Variants in ERC1 observed in about 807,000 individuals in gnomAD.
ERC1 encodes RAB6 interacting protein 2.
In ERC1, 56 loss-of-function variants were observed where a neutral mutation model predicts 132.0. That is an observed-to-expected ratio of 0.42 (90% CI 0.34 to 0.53). The LOEUF (loss-of-function observed/expected upper bound fraction) is 0.53, where lower values mean the gene tolerates loss of function less well. Ranked by LOEUF, ERC1 falls within the 20% of genes least tolerant of loss-of-function variation. The pLI, the probability that ERC1 is intolerant of heterozygous loss-of-function variation, is 0.03. For synonymous variants in ERC1, 478 were observed against 476.1 expected (o/e 1.00, Z -0.05); for missense variants, 1,202 against 1,349.9 (o/e 0.89, Z 1.72).
chr12:1,373,508 A>G lies in ERC1; in HGVS notation c.2925+1531A>G, dbSNP rs113131796. 6.8e-3 allele frequency among the ~76,000 whole-genome samples: 1,034 copies of G among 152,328 alleles called. 20 individuals carry two copies. Among genetic ancestry groups the G allele is most frequent in the African/African-American group, 0.024 (993 of 41,582 alleles). ...TGAAAATTAAGGAAATTGGCCGGGCACGGTGGCTCACGCCTGTAATCCCAG... is the reference window on the plus strand; with the variant it reads ...TGAAAATTAAGGAAATTGGCCGGGCGCGGTGGCTCACGCCTGTAATCCCAG... On this transcript the variant is annotated intron_variant, in intron 16 of 18. Coordinates refer to ENST00000360905, the MANE Select transcript of ERC1 (RefSeq NM_178040.4).
chr12:1,049,155 C>T (rs968650656), intron 2 of ERC1, among the ~76,000 whole-genome samples: 10 of 152,044 alleles, frequency 6.6e-5, no homozygotes, highest in African/African-American at 2.4e-4. Flanking sequence ...CAAGAAACAC[C>T]CCAAGATAAA....
intron 7 of ERC1, among the ~76,000 whole-genome samples, chr12:1,135,012 G>A (rs893370969): frequency 3.3e-5 from 5 of 152,180 alleles, no homozygotes; most frequent in Non-Finnish European, 2.9e-5. Context: ...ACAGGCCTAA[G>A]CCACTGTGCC....
At chr12:1,277,133 A>G (rs1449999309) in intron 14 of ERC1, among the ~76,000 whole-genome samples, 1 of 152,234 alleles carries the variant, frequency 6.6e-6, no homozygotes, top group Non-Finnish European at 1.5e-5. Context: ...GAGGGCTTAT[A>G]TGTCTCAAAA....
rs186237613 is a variant in ERC1 at position 1,159,286 on chromosome 12, G to A, written c.1737+17499G>A. Among the ~76,000 whole-genome samples the A allele has an allele frequency of 2.5e-3, 386 of 152,224 alleles. 1 individual carries two copies. Among genetic ancestry groups the A allele is most frequent in the African/African-American group, 8.1e-3 (335 of 41,532 alleles). On this transcript the variant is annotated intron_variant, in intron 8 of 18. Coordinates refer to ENST00000360905, the MANE Select transcript of ERC1 (RefSeq NM_178040.4). ...CAGTTTTGGGATGAAACTGTCCCAC[G>A]TCAGATCATCAGGCATTAGGATCTC... is the stretch of plus-strand genomic sequence containing the variant.
intron 16 of ERC1, among the ~76,000 whole-genome samples, chr12:1,384,838 G>C (rs1195745260): frequency 1.3e-5 from 2 of 152,118 alleles, no homozygotes; most frequent in Non-Finnish European, 2.9e-5. Context: ...ATTTAGAATT[G>C]GATATGATGT....
chr12:1,297,890 TAGG>T (rs1411858210), intron 15 of ERC1, among the ~76,000 whole-genome samples: 1 of 151,970 alleles, frequency 6.6e-6, no homozygotes, highest in Non-Finnish European at 1.5e-5. Flanking sequence ...CCCAAAATAT[TAGG>T]AGGTAGAATT....
intron 16 of ERC1, among the ~76,000 whole-genome samples, chr12:1,394,296 A>T (rs2090334251): frequency 6.6e-6 from 1 of 151,822 alleles, no homozygotes; most frequent in East Asian, 2.0e-4. Flanking sequence ...GCTACTGGGG[A>T]GGCTGAGGCA....
intron 13 of ERC1, among the ~76,000 whole-genome samples, chr12:1,262,677 C>A (rs1316861732): frequency 1.3e-5 from 2 of 151,878 alleles, no homozygotes; most frequent in Non-Finnish European, 2.9e-5. Context: ...ACTATCTCAT[C>A]AAAGCTGGCT....
intron 15 of ERC1, among the ~76,000 whole-genome samples, chr12:1,316,146 C>T (rs931102084): frequency 2.0e-5 from 3 of 152,214 alleles, no homozygotes; most frequent in African/African-American, 7.2e-5. Context: ...CTCGGCCTCC[C>T]AAAGTGCTGG....
chr12:1,150,135 G>C (rs775183347), intron 8 of ERC1, among the ~76,000 whole-genome samples: 8 of 152,214 alleles, frequency 5.3e-5, no homozygotes, highest in Non-Finnish European at 8.8e-5. Flanking sequence ...TTTAAACAGA[G>C]TCTTTGAAGC....
At chr12:1,111,949 C>T (rs899861786) in intron 5 of ERC1, among the ~76,000 whole-genome samples, 2 of 152,008 alleles carry the variant, frequency 1.3e-5, no homozygotes, top group Admixed American at 6.6e-5. Flanking sequence ...GATTTTTCAC[C>T]CTGATTTGAG....
intron 12 of ERC1, among the ~76,000 whole-genome samples, chr12:1,198,731 C>A (rs1430995813): frequency 6.6e-6 from 1 of 152,134 alleles, no homozygotes; most frequent in East Asian, 1.9e-4. Flanking sequence ...ACAGTCATAG[C>A]AGAAGGTGAA....
At chr12:1,343,897 A>G (rs550070728) in intron 15 of ERC1, among the ~76,000 whole-genome samples, 15 of 152,032 alleles carry the variant, frequency 9.9e-5, no homozygotes, top group Admixed American at 4.6e-4. Flanking sequence ...GCTGGAGTGC[A>G]GTGGCGCGAT....
intron 2 of ERC1, among the ~76,000 whole-genome samples, chr12:1,054,938 A>G (rs1451434022): frequency 1.3e-5 from 2 of 152,196 alleles, no homozygotes; most frequent in African/African-American, 2.4e-5. Flanking sequence ...TCTGGCCCAC[A>G]TTAGCTTCAA....
At chr12:1,057,525 T>C (rs943596372) in intron 2 of ERC1, among the ~76,000 whole-genome samples, 4 of 150,938 alleles carry the variant, frequency 2.7e-5, no homozygotes, top group African/African-American at 9.8e-5. Flanking sequence ...ACTTTTATTG[T>C]ACTTTTTTTT....
At position 1,353,964 on chromosome 12, in the gene ERC1, G is replaced by A. The variant is rs1211475260; in HGVS notation, c.2781-17869G>A. Among the ~76,000 whole-genome samples, 6 of 151,194 alleles carry A rather than the reference G, an allele frequency of 4.0e-5. No individual in the cohort carries two copies. In the East Asian group the frequency reaches 1.2e-3, roughly 29 times the overall value. ...CTTTCTTTATCTTTGGCTTCCAGGGGACCACCTTCTTTTTGTTTTCTTTTT... is the reference window on the plus strand; with the variant it reads ...CTTTCTTTATCTTTGGCTTCCAGGGAACCACCTTCTTTTTGTTTTCTTTTT... On this transcript the variant is annotated intron_variant, in intron 15 of 18. Coordinates refer to ENST00000360905, the MANE Select transcript of ERC1 (RefSeq NM_178040.4).
rs1422214526 is a variant in ERC1 at position 1,202,384 on chromosome 12, G to A, written c.2351+12332G>A. On this transcript the variant is annotated intron_variant, in intron 12 of 18. Transcript: ENST00000360905. ...CCCAAGAGTTACAGTTTAGCCGGACGTGGTGGCTCATGCTTGTAATCCTAG... is the reference window on the plus strand; with the variant it reads ...CCCAAGAGTTACAGTTTAGCCGGACATGGTGGCTCATGCTTGTAATCCTAG... 2.6e-5 allele frequency among the ~76,000 whole-genome samples: 4 copies of A among 152,252 alleles called. No individual in the cohort carries two copies. In the East Asian group the frequency reaches 7.7e-4, roughly 29 times the overall value.
intron 2 of ERC1, among the ~76,000 whole-genome samples, chr12:1,039,222 A>G (rs1327910449): frequency 6.6e-6 from 1 of 151,878 alleles, no homozygotes; most frequent in Non-Finnish European, 1.5e-5. Context: ...CTGTAGTCCC[A>G]GCTACTCGGG....
chr12:1,450,332 C>G (rs768561535), intron 18 of ERC1, among the ~76,000 whole-genome samples: 2 of 152,168 alleles, frequency 1.3e-5, no homozygotes, highest in Non-Finnish European at 2.9e-5. Context: ...CCCCATTCTC[C>G]CTTGCCCCAT....
Sources: allele counts gnomAD v4.1 joint callset (sites outside exome capture counted in the v4.1 genomes callset), GRCh38; gene constraint gnomAD v4.1.1; transcripts MANE v1.5; gene names NCBI Gene and HGNC (gene_info 2026-07-23, HGNC 2026-07-21).